The following CADPS2 variants were observed in gnomAD, a reference collection of about 807,000 sequenced individuals.
The protein encoded by CADPS2 is calcium-dependent secretion activator 2.
In CADPS2, 93 loss-of-function variants were observed where a neutral mutation model predicts 172.5. That is an observed-to-expected ratio of 0.54 (90% CI 0.46 to 0.64). CADPS2 has a LOEUF of 0.64. CADPS2 is among the 30% of genes least tolerant of loss of function. CADPS2 has a pLI of 0.00. For synonymous variants in CADPS2, 546 were observed against 555.2 expected, an observed-to-expected ratio of 0.98 and a Z score of 0.23; for missense variants, 1,420 against 1,565.9, an observed-to-expected ratio of 0.91 and a Z score of 1.57.
At chr7:122,631,144 C>T (rs983981358) in intron 3 of CADPS2, among the ~76,000 whole-genome samples, 30 of 152,086 alleles carry the variant, frequency 2.0e-4, no homozygotes, top group African/African-American at 7.0e-4. Flanking sequence ...AACAATACTT[C>T]AAATGCACTA....
chr7:122,878,084 C>A (rs1411116848), intron 1 of CADPS2, among the ~76,000 whole-genome samples: 1 of 151,202 alleles, frequency 6.6e-6, no homozygotes, highest in Non-Finnish European at 1.5e-5. Flanking sequence ...GGTGAAACCC[C>A]GTCTTTACTA....
At chr7:122,431,869 C>T (rs1473061768) in intron 17 of CADPS2, among the ~76,000 whole-genome samples, 1 of 125,006 alleles carries the variant, frequency 8.0e-6, no homozygotes, top group African/African-American at 3.2e-5. Flanking sequence ...TGCAGTGGGC[C>T]AAGATCGTGC....
chr7:122,726,787 A>AAC lies in CADPS2; in HGVS notation c.453+10167_453+10168insGT, dbSNP rs1479647922. Among the ~76,000 whole-genome samples, 786 of 151,442 alleles carry AAC rather than the reference A, an allele frequency of 5.2e-3. 5 individuals carry two copies. The highest frequency in any genetic ancestry group is 7.6e-3 in the Non-Finnish European group (517 of 67,784). On this transcript the variant is annotated intron_variant, in intron 2 of 29. Transcript: ENST00000449022. ...GCTTCCTGATACAAAAAAAAAAAAA[A>AAC]AACTATCCACATATAAGATAGAGTT...
Position 122,495,753 on chromosome 7 carries a change from A to G in CADPS2, c.1543-4333T>C, listed in dbSNP as rs79485660. Among the ~76,000 whole-genome samples, 166 of 152,280 alleles carry G rather than the reference A, an allele frequency of 1.1e-3. 1 individual carries two copies. The highest frequency in any genetic ancestry group is 2.1e-3 in the Non-Finnish European group (143 of 68,016). ...AGCTGCTTTCCAATTTGTACATACTATATATACCTGTGGTATATGAGCACT... is the reference window on the plus strand; with the variant it reads ...AGCTGCTTTCCAATTTGTACATACTGTATATACCTGTGGTATATGAGCACT... On this transcript the variant is annotated intron_variant, in intron 9 of 29. Transcript: ENST00000449022.
chr7:122,541,574 C>CAT (rs888579679), intron 8 of CADPS2, among the ~76,000 whole-genome samples: 4 of 142,892 alleles, frequency 2.8e-5, no homozygotes, highest in African/African-American at 1.0e-4. Flanking sequence ...TACATATATT[C>CAT]ATATATATTT....
In CADPS2 at chr7:122,886,396, C is replaced by G. The variant is rs1325520049; in HGVS notation, c.-59G>C. The stretch of plus-strand genomic sequence containing the variant: ...TCCCCAAGCGCCTCACCCCCGGCGG[C>G]TGCGCCCGCGGGTCTGAGGGAGCCG... On this transcript the variant is annotated 5_prime_UTR_variant, in exon 1 of 30. Transcript: ENST00000449022. 8.2e-6 allele frequency: 12 copies of G among 1,458,876 alleles called. No individual in the cohort carries two copies. Among genetic ancestry groups the G allele is most frequent in the Non-Finnish European group, 1.1e-5 (12 of 1,116,864 alleles). 90.4% of individuals were successfully genotyped at this position (1,458,876 alleles called of 1,614,324 possible).
chr7:122,363,048 AT>A (rs35850048), intron 25 of CADPS2, among the ~76,000 whole-genome samples: 16,886 of 152,170 alleles, frequency 0.11, 1,187 homozygotes, highest in Non-Finnish European at 0.15. Context: ...CACCCACAAA[AT>A]TGCGAATTGC....
At chr7:122,566,135 A>C (rs1228468779) in intron 7 of CADPS2, among the ~76,000 whole-genome samples, 1 of 152,184 alleles carries the variant, frequency 6.6e-6, no homozygotes, top group Admixed American at 6.6e-5. Context: ...ATAAAATCCT[A>C]CTGCATATAT....
In CADPS2 at chr7:122,393,530, G is replaced by T. The variant is rs1034365989; in HGVS notation, c.2799C>A (p.Pro933=). The change falls in exon 21 of 30, where the codon CCC becomes CCA. Residue 933 remains proline, a synonymous_variant. Transcript: ENST00000449022. The part of the protein sequence containing the change: ...FHKHLQEIFV[P]LVVRYVDLME... ...TGAGATCCACATAGCGGACAACCAA[G>T]GGTACAAAGATTTCTTGCAAGTGTT... is the stretch of plus-strand genomic sequence containing the variant. 1.2e-6 allele frequency: 2 copies of T among 1,613,746 alleles called. No individual in the cohort carries two copies. Among genetic ancestry groups the T allele is most frequent in the African/African-American group, 2.7e-5 (2 of 74,888 alleles).
intron 1 of CADPS2, among the ~76,000 whole-genome samples, chr7:122,809,084 T>C (rs2058725997): frequency 6.6e-6 from 1 of 152,202 alleles, no homozygotes; most frequent in Non-Finnish European, 1.5e-5. Context: ...AGTAACTCAT[T>C]ATGCTTCATA....
At chr7:122,609,489 G>C (rs181741885) in intron 6 of CADPS2, among the ~76,000 whole-genome samples, 1 of 152,038 alleles carries the variant, frequency 6.6e-6, no homozygotes, top group East Asian at 1.9e-4. Flanking sequence ...TAAATAACAG[G>C]AATTTTCTCC....
Position 122,702,583 on chromosome 7 carries a change from T to C in CADPS2, c.453+34372A>G, listed in dbSNP as rs566756622. The C allele has an allele frequency of 2.5e-6, 4 of 1,613,682 alleles. No individual in the cohort carries two copies. The African/African-American group carries it at 5.3e-5, about 22-fold the overall frequency. On this transcript the variant is annotated intron_variant, in intron 2 of 29. Transcript: ENST00000449022. Reference sequence around the variant, plus strand: ...GATTCCCGAACACTCCACTCTCTCCTAATTCCGATGTGATCTCATTTCCAA... The same window carrying C: ...GATTCCCGAACACTCCACTCTCTCCCAATTCCGATGTGATCTCATTTCCAA...
At chr7:122,739,913 CACCTA>C (rs2092378610) in intron 1 of CADPS2, among the ~76,000 whole-genome samples, 1 of 152,100 alleles carries the variant, frequency 6.6e-6, no homozygotes, top group Non-Finnish European at 1.5e-5. Context: ...TACTATAAAA[CACCTA>C]TATAGCAACT....
chr7:122,477,255 G>A (rs2056802924), intron 12 of CADPS2, among the ~76,000 whole-genome samples: 1 of 152,182 alleles, frequency 6.6e-6, no homozygotes, highest in African/African-American at 2.4e-5. Flanking sequence ...GCTCATGCCT[G>A]TAATCCCAGC....
intron 8 of CADPS2, among the ~76,000 whole-genome samples, chr7:122,543,987 T>C (rs921959464): frequency 6.6e-6 from 1 of 152,142 alleles, no homozygotes; most frequent in African/African-American, 2.4e-5. Context: ...TGTATACTGG[T>C]AGAACTATCT....
chr7:122,543,283 G>T (rs2063288143), intron 8 of CADPS2, among the ~76,000 whole-genome samples: 1 of 152,024 alleles, frequency 6.6e-6, no homozygotes, highest in Admixed American at 6.6e-5. Context: ...CAATTTTACA[G>T]TTTTAAAAAT....
intron 8 of CADPS2, among the ~76,000 whole-genome samples, chr7:122,540,245 C>T (rs1194108339): frequency 6.6e-6 from 1 of 151,930 alleles, no homozygotes; most frequent in Non-Finnish European, 1.5e-5. Context: ...AATGCTAAAA[C>T]TAAAAAATTT....
chr7:122,574,097 G>A (rs2067638198), intron 7 of CADPS2, among the ~76,000 whole-genome samples: 1 of 152,004 alleles, frequency 6.6e-6, no homozygotes. Context: ...TACGCAAAAT[G>A]AGTAAATATA....
At chr7:122,467,576 T>C (rs907785843) in intron 14 of CADPS2, among the ~76,000 whole-genome samples, 1 of 152,228 alleles carries the variant, frequency 6.6e-6, no homozygotes, top group Non-Finnish European at 1.5e-5. Flanking sequence ...TGTACTCTTG[T>C]GCCCTGTACT....
Sources: gnomAD v4.1 joint callset for allele counts (sites outside exome capture counted in the v4.1 genomes callset) on GRCh38, gnomAD v4.1.1 for gene constraint, MANE v1.5 for transcripts, NCBI Gene and HGNC (gene_info 2026-07-23, HGNC 2026-07-21) for gene names.